Variants in FYN observed in about 807,000 individuals in gnomAD.
FYN encodes the protein tyrosine-protein kinase Fyn.
Under a neutral mutation model 70.2 loss-of-function variants are expected in FYN, and 10 were observed. That is an observed-to-expected ratio of 0.14 (90% CI 0.09 to 0.24). The LOEUF (loss-of-function observed/expected upper bound fraction) is 0.24, where lower values mean the gene tolerates loss of function less well. Among genes scored for constraint, FYN ranks in the 10% least tolerant of loss-of-function variants. The pLI, the probability that FYN is intolerant of heterozygous loss-of-function variation, is 1.00. For synonymous variants in FYN, 236 were observed against 248.6 expected (o/e 0.95, Z 0.48); for missense variants, 319 against 673.1 (o/e 0.47, Z 5.82).
intron 13 of FYN, among the ~76,000 whole-genome samples, chr6:111,670,948 T>G (rs1305739561): frequency 6.6e-6 from 1 of 152,214 alleles, no homozygotes; most frequent in East Asian, 1.9e-4. Context: ...CAGTATGAAA[T>G]CAGTTCTAAT....
At chr6:111,681,909 G>A (rs191078854) in intron 12 of FYN, among the ~76,000 whole-genome samples, 1 of 151,808 alleles carries the variant, frequency 6.6e-6, no homozygotes, top group East Asian at 1.9e-4. Flanking sequence ...GATTTGAACC[G>A]AAGGTGCCAG....
At chr6:111,843,437 T>C (rs1006946097) in intron 2 of FYN, among the ~76,000 whole-genome samples, 1 of 152,232 alleles carries the variant, frequency 6.6e-6, no homozygotes, top group Non-Finnish European at 1.5e-5. Context: ...AAAGCAATGA[T>C]ATCTGGAACT....
intron 2 of FYN, among the ~76,000 whole-genome samples, chr6:111,810,376 T>A (rs1772285221): frequency 6.6e-6 from 1 of 152,114 alleles, no homozygotes; most frequent in Non-Finnish European, 1.5e-5. Flanking sequence ...AAATTACAAG[T>A]GCAATCAGTC....
intron 2 of FYN, among the ~76,000 whole-genome samples, chr6:111,816,212 G>T (rs1343860835): frequency 2.6e-5 from 4 of 151,778 alleles, no homozygotes; most frequent in African/African-American, 9.7e-5. Context: ...AAAACAAAAG[G>T]CAATTAATCA....
chr6:111,760,656 C>G (rs577131848), intron 3 of FYN, among the ~76,000 whole-genome samples: 1 of 152,236 alleles, frequency 6.6e-6, no homozygotes, highest in East Asian at 1.9e-4. Context: ...GGCCTCCCCT[C>G]AAGCTGGGAG....
chr6:111,830,455 G>A (rs184736552), intron 2 of FYN, among the ~76,000 whole-genome samples: 51 of 152,306 alleles, frequency 3.3e-4, no homozygotes, highest in African/African-American at 1.2e-3. Context: ...GTGTGCCTGC[G>A]TGTGGCAGAC....
chr6:111,783,843 C>T (rs559801031), intron 2 of FYN, among the ~76,000 whole-genome samples: 3 of 152,296 alleles, frequency 2.0e-5, no homozygotes, highest in East Asian at 3.9e-4. Flanking sequence ...CTGCAACATT[C>T]GCATCAACCA....
intron 3 of FYN, among the ~76,000 whole-genome samples, chr6:111,745,528 G>C (rs572233089): frequency 6.6e-6 from 1 of 152,256 alleles, no homozygotes; most frequent in South Asian, 2.1e-4. Context: ...GCATGCCAGG[G>C]AGCAGCTTTG....
chr6:111,756,123 A>G (rs1234481134), intron 3 of FYN, among the ~76,000 whole-genome samples: 1 of 152,116 alleles, frequency 6.6e-6, no homozygotes, highest in African/African-American at 2.4e-5. Context: ...AAATACAGAG[A>G]TGTTACAAAT....
intron 3 of FYN, chr6:111,758,864 A>C (rs2128492597): frequency 6.6e-6 from 1 of 152,466 alleles, no homozygotes; most frequent in South Asian, 2.1e-4. Flanking sequence ...TCTGATTAGC[A>C]ACTTTCTCCG....
chr6:111,753,934 C>T (rs1280556569), intron 3 of FYN, among the ~76,000 whole-genome samples: 1 of 152,144 alleles, frequency 6.6e-6, no homozygotes, highest in Non-Finnish European at 1.5e-5. Context: ...AGAAGTTTTG[C>T]TGGTCATCAT....
chr6:111,870,485 C>T (rs752987933), intron 1 of FYN, among the ~76,000 whole-genome samples: 1 of 152,184 alleles, frequency 6.6e-6, no homozygotes, highest in Non-Finnish European at 1.5e-5. Flanking sequence ...AGGTGTTGAG[C>T]ACATACCAAA....
intron 3 of FYN, among the ~76,000 whole-genome samples, chr6:111,766,944 T>A (rs759056536): frequency 3.9e-5 from 6 of 152,176 alleles, no homozygotes; most frequent in African/African-American, 4.8e-5. Flanking sequence ...TCCTATTGTG[T>A]CCTACAATAT....
At chr6:111,678,701 A>C (rs562053780) in intron 12 of FYN, among the ~76,000 whole-genome samples, 26 of 152,200 alleles carry the variant, frequency 1.7e-4, no homozygotes, top group African/African-American at 6.3e-4. Context: ...CTTCCCCACA[A>C]TTTGGCTTCT....
chr6:111,842,746 T>A (rs1003427926), intron 2 of FYN, among the ~76,000 whole-genome samples: 1 of 152,216 alleles, frequency 6.6e-6, no homozygotes, highest in Non-Finnish European at 1.5e-5. Context: ...GCCTCAAATT[T>A]CTAACCCTCG....
At chr6:111,762,976 T>G (rs924972615) in intron 3 of FYN, among the ~76,000 whole-genome samples, 6 of 152,334 alleles carry the variant, frequency 3.9e-5, no homozygotes, top group South Asian at 2.1e-4. Flanking sequence ...CTCCAAAGCC[T>G]TCTTCTTGGA....
intron 2 of FYN, among the ~76,000 whole-genome samples, chr6:111,828,294 A>T (rs923191862): frequency 3.3e-5 from 5 of 152,238 alleles, no homozygotes; most frequent in Non-Finnish European, 1.5e-5. Context: ...GTGGAAAAAG[A>T]ACTTTGTGAT....
At chr6:111,872,566 C>A (rs959301540) in intron 1 of FYN, among the ~76,000 whole-genome samples, 9 of 151,830 alleles carry the variant, frequency 5.9e-5, no homozygotes, top group African/African-American at 9.7e-5. Flanking sequence ...GGAAGCAGCA[C>A]GGGGCATCAA....
At chr6:111,704,569 C>G (rs1314832137) in intron 6 of FYN, among the ~76,000 whole-genome samples, 1 of 151,538 alleles carries the variant, frequency 6.6e-6, no homozygotes, top group Non-Finnish European at 1.5e-5. Flanking sequence ...GCCTGGCCAA[C>G]ATGGTGAAAC....
Sources: gnomAD v4.1 joint callset for allele counts (sites outside exome capture counted in the v4.1 genomes callset) on GRCh38, gnomAD v4.1.1 for gene constraint, MANE v1.5 for transcripts, NCBI Gene and HGNC (gene_info 2026-07-23, HGNC 2026-07-21) for gene names.